SOX6: variants seen among roughly 807,000 people sequenced by gnomAD.
The protein encoded by SOX6 is transcription factor SOX-6.
In SOX6, 11 loss-of-function variants were observed where a neutral mutation model predicts 97.8. The ratio of observed to expected loss-of-function variants is 0.11; its 90% CI spans 0.07 to 0.19. The LOEUF (loss-of-function observed/expected upper bound fraction) is 0.19, where lower values mean the gene tolerates loss of function less well. Among genes scored for constraint, SOX6 ranks in the 10% least tolerant of loss-of-function variants. The pLI is 1.00. For missense variants in SOX6, 810 were observed against 1,039.5 expected, an observed-to-expected ratio of 0.78 and a Z score of 3.04; for synonymous variants, 360 against 371.4, an observed-to-expected ratio of 0.97 and a Z score of 0.35.
At chr11:16,650,276 T>C (rs1847626236) in intron 3 of SOX6, among the ~76,000 whole-genome samples, 1 of 152,142 alleles carries the variant, frequency 6.6e-6, no homozygotes, top group African/African-American at 2.4e-5. Flanking sequence ...CTAGAACAAA[T>C]GGACTTCATA....
At chr11:16,348,997 A>T (rs1050735446) in intron 1 of SOX6, among the ~76,000 whole-genome samples, 3 of 152,104 alleles carry the variant, frequency 2.0e-5, no homozygotes, top group Admixed American at 6.6e-5. Context: ...AAATTTGGTG[A>T]CCATATTGGC....
At position 16,349,454 on chromosome 11, in the gene SOX6, A is replaced by G. The variant is rs931059681; in HGVS notation, c.-5+6640T>C. ...CAACAAGGTGAAACCTGTCTCTACT[A>G]AAAATATGAAAATTAGCCACCCATG... On this transcript the variant is annotated intron_variant, in intron 1 of 15. Transcript: ENST00000683767. 2.0e-5 allele frequency among the ~76,000 whole-genome samples: 3 copies of G among 151,806 alleles called. No homozygotes were observed. In the East Asian group the frequency reaches 5.9e-4, roughly 30 times the overall value.
chr11:16,292,659 G>A (rs938555247), intron 3 of SOX6, among the ~76,000 whole-genome samples: 4 of 152,184 alleles, frequency 2.6e-5, no homozygotes, highest in African/African-American at 9.6e-5. Flanking sequence ...AGCCTGCGGT[G>A]CTGGGACTGA....
intron 2 of SOX6, among the ~76,000 whole-genome samples, chr11:16,327,445 A>G (rs1021552800): frequency 6.6e-6 from 1 of 152,204 alleles, no homozygotes; most frequent in Non-Finnish European, 1.5e-5. Flanking sequence ...AATAATAAAT[A>G]CTAAACTACA....
chr11:16,645,620 A>G (rs1325071783), intron 3 of SOX6, among the ~76,000 whole-genome samples: 1 of 152,250 alleles, frequency 6.6e-6, no homozygotes, highest in East Asian at 1.9e-4. Context: ...AAATGGCCAC[A>G]TGAGAACACA....
At chr11:16,379,120 T>C (rs761930837) in intron 1 of SOX6, among the ~76,000 whole-genome samples, 1 of 152,122 alleles carries the variant, frequency 6.6e-6, no homozygotes, top group Non-Finnish European at 1.5e-5. Context: ...ACAATCTGAC[T>C]CCAAAATCTA....
chr11:16,506,293 T>C (rs1371302299), intron 4 of SOX6, among the ~76,000 whole-genome samples: 3 of 152,124 alleles, frequency 2.0e-5, no homozygotes, highest in African/African-American at 7.2e-5. Flanking sequence ...AGGAGATTAT[T>C]TTGGAGCTTT....
intron 1 of SOX6, among the ~76,000 whole-genome samples, chr11:16,466,732 C>T (rs1366184135): frequency 6.6e-6 from 1 of 150,590 alleles, no homozygotes; most frequent in Non-Finnish European, 1.5e-5. Context: ...AGATCGAGAC[C>T]ATCCCGGCTA....
chr11:15,982,798 G>A (rs1853705578), intron 15 of SOX6, among the ~76,000 whole-genome samples: 1 of 151,876 alleles, frequency 6.6e-6, no homozygotes, highest in Non-Finnish European at 1.5e-5. Flanking sequence ...TCCACAATTG[G>A]TTGAATCCAC....
intron 9 of SOX6, among the ~76,000 whole-genome samples, chr11:16,075,067 GA>G (rs1848320469): frequency 6.6e-6 from 1 of 151,904 alleles, no homozygotes; most frequent in Admixed American, 6.6e-5. Flanking sequence ...ATAGAGCCCA[GA>G]AAAAAAGTCA....
At chr11:16,408,217 T>G (rs564955246) in intron 1 of SOX6, among the ~76,000 whole-genome samples, 15 of 152,298 alleles carry the variant, frequency 9.8e-5, no homozygotes, top group African/African-American at 3.1e-4. Flanking sequence ...AAGTCCATGT[T>G]CAGAGAGCTG....
At chr11:16,583,640 C>CATATATATATATATATATAT (rs1342015213) in intron 4 of SOX6, among the ~76,000 whole-genome samples, 7 of 92,822 alleles carry the variant, frequency 7.5e-5, no homozygotes, top group Non-Finnish European at 1.5e-4. Context: ...TATATATACA[C>CATATATATATATATATATAT]ATACACACAC....
chr11:16,226,314 GTGTTTTTTTTGTTTTTGTTTT>G (rs67805125), intron 4 of SOX6, among the ~76,000 whole-genome samples: 63,495 of 151,166 alleles, frequency 0.42, 13,540 homozygotes, highest in South Asian at 0.6. Context: ...TCACATAATT[GTGTTTTTTTTGTTTTTGTTTT>G]TGTTTTTTTT....
intron 4 of SOX6, among the ~76,000 whole-genome samples, chr11:16,575,334 A>T (rs1212623353): frequency 6.6e-6 from 1 of 152,182 alleles, no homozygotes; most frequent in Non-Finnish European, 1.5e-5. Context: ...AGAGTTTCAC[A>T]TTATCTAGAA....
intron 4 of SOX6, among the ~76,000 whole-genome samples, chr11:16,594,857 A>AT (rs1848194102): frequency 6.6e-6 from 1 of 151,582 alleles, no homozygotes. Context: ...TGCCTGGATA[A>AT]TTTTTTGTAG....
At chr11:16,048,401 C>A (rs59156755) in intron 11 of SOX6, among the ~76,000 whole-genome samples, 1,973 of 152,238 alleles carry the variant, frequency 0.013, 41 homozygotes, top group African/African-American at 0.045. Flanking sequence ...TAACATCTCA[C>A]TATCAGAAGA....
At chr11:16,549,256 G>A (rs572755402) in intron 4 of SOX6, among the ~76,000 whole-genome samples, 11 of 152,074 alleles carry the variant, frequency 7.2e-5, no homozygotes, top group South Asian at 6.2e-4. Context: ...TGCAACGTCC[G>A]CCTCCCGGGT....
At chr11:16,258,854 C>CAT (rs1004289521) in intron 3 of SOX6, among the ~76,000 whole-genome samples, 2 of 149,298 alleles carry the variant, frequency 1.3e-5, no homozygotes, top group South Asian at 4.2e-4. Context: ...CATATATATA[C>CAT]ATATATATAC....
At chr11:16,107,694 A>G (rs1328653434) in intron 7 of SOX6, among the ~76,000 whole-genome samples, 2 of 151,916 alleles carry the variant, frequency 1.3e-5, no homozygotes, top group African/African-American at 4.8e-5. Flanking sequence ...GTATGATGAA[A>G]AAGTTTTGGG....
Sources: allele counts gnomAD v4.1 joint callset (sites outside exome capture counted in the v4.1 genomes callset), GRCh38; gene constraint gnomAD v4.1.1; transcripts MANE v1.5; gene names NCBI Gene and HGNC (gene_info 2026-07-23, HGNC 2026-07-21).